YTHDC1: variants seen among roughly 807,000 people sequenced by gnomAD.
YTHDC1 encodes YTH N6-methyladenosine RNA binding protein C1.
In YTHDC1, 12 loss-of-function variants were observed where a neutral mutation model predicts 107.0. The observed-to-expected ratio is 0.11, with a 90% confidence interval of 0.07 to 0.18. The LOEUF (loss-of-function observed/expected upper bound fraction) is 0.18, where lower values mean the gene tolerates loss of function less well. Among genes scored for constraint, YTHDC1 ranks in the 10% least tolerant of loss-of-function variants. The pLI, the probability that YTHDC1 is intolerant of heterozygous loss-of-function variation, is 1.00. For synonymous variants in YTHDC1, 280 were observed against 289.5 expected, an observed-to-expected ratio of 0.97 and a Z score of 0.33; for missense variants, 635 against 898.8, an observed-to-expected ratio of 0.71 and a Z score of 3.75.
intron 15 of YTHDC1, 130 bp downstream of exon 15, chr4:68,318,389 T>C (rs1722091868): frequency 2.2e-6 from 2 of 897,378 alleles, no homozygotes; most frequent in Middle Eastern, 3.5e-4. Flanking sequence ...ACTGCAGGTG[T>C]GAGCCACGGC....
intron 4 of YTHDC1, among the ~76,000 whole-genome samples, chr4:68,336,266 G>T (rs927662502): frequency 6.6e-6 from 1 of 151,848 alleles, no homozygotes; most frequent in Non-Finnish European, 1.5e-5. Flanking sequence ...ACAGTCATGA[G>T]ATTATAATCA....
chr4:68,314,441 CT>C (rs1721594916), intron 16 of YTHDC1, 118 bp from the exon 17 acceptor site: 1 of 856,830 alleles, frequency 1.2e-6, no homozygotes, highest in Admixed American at 3.4e-5. Context: ...AGAAAAGTCT[CT>C]GTATTATAAT....
chr4:68,339,276 T>G (rs931019433), intron 1 of YTHDC1, among the ~76,000 whole-genome samples: 1 of 152,018 alleles, frequency 6.6e-6, no homozygotes, highest in Non-Finnish European at 1.5e-5. Flanking sequence ...TGAACCTACA[T>G]GAGGAAAAAA....
Position 68,316,323 on chromosome 4 carries a change from A to C in YTHDC1, c.1950T>G (p.Asp650Glu). 6.2e-7 allele frequency: 1 copy of C among 1,612,012 alleles called. No individual in the cohort carries two copies. The highest frequency in any genetic ancestry group is 1.1e-5 in the South Asian group (1 of 90,700). ...CTCCTTGTGCACTTACTACTCGTTT[A>C]TCTCTGTATCTTGCTTCATGTGGTA... is the stretch of plus-strand genomic sequence containing the variant. ...HPVPHEARYR[D>E]KRVHDYDMRV... The change falls in exon 16 of 17, where the codon GAT becomes GAG. Residue 650 changes from aspartate (D) to glutamate (E), a missense_variant. Transcript: ENST00000344157.
chr4:68,343,257 G>A (rs1034608435), intron 1 of YTHDC1, among the ~76,000 whole-genome samples: 1 of 151,806 alleles, frequency 6.6e-6, no homozygotes, highest in Non-Finnish European at 1.5e-5. Flanking sequence ...GGAGTGCAGT[G>A]GCGCAATCTG....
intron 15 of YTHDC1, among the ~76,000 whole-genome samples, chr4:68,318,158 C>T (rs968268016): frequency 2.6e-5 from 4 of 152,148 alleles, no homozygotes; most frequent in African/African-American, 9.7e-5. Context: ...AGTGCAGTGG[C>T]GCAATCTCGG....
rs564447542 is a variant in YTHDC1, at chr4:68,324,197, G to A, written c.1376C>T (p.Ala459Val). 1 of 1,613,906 alleles carries A rather than the reference G, an allele frequency of 6.2e-7. No individual in the cohort carries two copies. The highest frequency in any genetic ancestry group is 1.7e-5 in the Admixed American group (1 of 59,994). Residue 459 changes from alanine (A) to valine (V), a missense_variant, in exon 10 of 17, where the codon GCT becomes GTT. This residue lies in a region of YTHDC1 where 256 missense variants were observed against 372.9 expected (regional missense o/e 0.69). Coordinates refer to ENST00000344157, the MANE Select transcript of YTHDC1 (RefSeq NM_001031732.4). ...CRRELPFTKS[A>V]HLTNPWNEHK... ...TTCATTCCAAGGATTGGTGAGATGA[G>A]CCGACTTAGTGAAGGGTAATTCACG...
intron 4 of YTHDC1, among the ~76,000 whole-genome samples, chr4:68,334,513 C>A (rs901242364): frequency 6.6e-6 from 1 of 152,072 alleles, no homozygotes; most frequent in African/African-American, 2.4e-5. Context: ...CTGGCTTGAG[C>A]AAGTAGAAAG....
chr4:68,326,971 T>C (rs919584127), intron 9 of YTHDC1, among the ~76,000 whole-genome samples: 11 of 151,384 alleles, frequency 7.3e-5, no homozygotes, highest in Middle Eastern at 3.4e-3. Context: ...CAGTGGCTCA[T>C]GCCTGTAGTA....
In YTHDC1 at chr4:68,318,842, A is replaced by G. The variant is rs767705309; in HGVS notation, c.1705T>C (p.Tyr569His). ...CCGACTTACCTGTCCACTTCCTGGT[A>G]TCGTGGATCCTTTAAATACCCTGTT... Reference protein sequence around the residue: ...QRPGYLKDPRYQEVDRRFSGV... With the variant: ...QRPGYLKDPRHQEVDRRFSGV... The change falls in exon 13 of 17, where the codon TAC becomes CAC. Residue 569 changes from tyrosine (Y) to histidine (H), a missense_variant. By Grantham distance (83) the Tyr-to-His change is moderately conservative. Around this residue, in one of 5 missense-constraint regions of YTHDC1, gnomAD observed 256 missense variants for 372.9 expected, o/e 0.69. Coordinates refer to ENST00000344157, the MANE Select transcript of YTHDC1 (RefSeq NM_001031732.4). 6.2e-7 allele frequency: 1 copy of G among 1,613,982 alleles called. No homozygotes were observed. The highest frequency in any genetic ancestry group is 1.7e-5 in the Admixed American group (1 of 60,016).
Position 68,322,791 on chromosome 4 carries a change from C to T in YTHDC1, c.1559G>A (p.Arg520Gln), listed in dbSNP as rs759832696. The change falls in exon 11 of 17, where the codon CGA becomes CAA. Residue 520 changes from arginine (R) to glutamine (Q), a missense_variant. Physicochemically the swap from Arg to Gln is conservative, Grantham distance 43. Coordinates refer to ENST00000344157, the MANE Select transcript of YTHDC1 (RefSeq NM_001031732.4). The surrounding 1 kb of genome is among the most constrained non-coding windows in gnomAD (Gnocchi z 4.8). The stretch of plus-strand genomic sequence containing the variant: ...TGGTTCTCGACGGGATGGACGTCCT[C>T]GTGATCGGGGCTGAGAATGCATTCT... ...KRRMHSQPRS[R>Q]GRPSRREPVR... 2 of 1,614,014 alleles carry T rather than the reference C, an allele frequency of 1.2e-6. No individual in the cohort carries two copies. Among genetic ancestry groups the T allele is most frequent in the Non-Finnish European group, 8.5e-7 (1 of 1,180,020 alleles).
Position 68,314,041 on chromosome 4 carries a change from C to CAA in YTHDC1, c.*56_*57dup. Reference sequence around the variant, plus strand: ...TAAATTTACTACTTGTAAACACACACAAAAAAAAAATACAAGATTTTTTGT... The same window carrying CAA: ...TAAATTTACTACTTGTAAACACACACAAAAAAAAAAAATACAAGATTTTTTGT... On this transcript the variant is annotated 3_prime_UTR_variant, in exon 17 of 17. Coordinates refer to ENST00000344157, the MANE Select transcript of YTHDC1 (RefSeq NM_001031732.4). 1.4e-5 allele frequency: 18 copies of CAA among 1,322,628 alleles called. No individual in the cohort carries two copies. The highest frequency in any genetic ancestry group is 4.2e-5 in the South Asian group (3 of 71,006). 81.9% of individuals were successfully genotyped at this position (1,322,628 alleles called of 1,614,324 possible). A position where few individuals can be genotyped will look rare whatever the true frequency, so the allele number is the denominator to read the frequency against.
chr4:68,332,547 C>T (rs1258637585), intron 6 of YTHDC1, among the ~76,000 whole-genome samples: 1 of 150,398 alleles, frequency 6.6e-6, no homozygotes, highest in Non-Finnish European at 1.5e-5. Context: ...ATAACACATA[C>T]ACACATACAC....
At chr4:68,339,250 T>C (rs368466697) in intron 1 of YTHDC1, among the ~76,000 whole-genome samples, 7 of 152,278 alleles carry the variant, frequency 4.6e-5, no homozygotes, top group African/African-American at 1.7e-4. Context: ...TAATGTTCTA[T>C]GCAAAATGGA....
intron 1 of YTHDC1, 95 bp downstream of exon 1, chr4:68,349,631 A>ACCCCCCCC: frequency 3.9e-6 from 1 of 258,546 alleles, no homozygotes; most frequent in Non-Finnish European, 7.7e-6. Flanking sequence ...AACCTCCCCA[A>ACCCCCCCC]CCCCCACCCC....
Position 68,324,211 on chromosome 4 carries a change from G to A in YTHDC1, c.1362C>T (p.Pro454=). 1.2e-6 allele frequency: 2 copies of A among 1,613,514 alleles called. No homozygotes were observed. The highest frequency in any genetic ancestry group is 1.7e-6 in the Non-Finnish European group (2 of 1,179,508). Residue 454 remains proline (P), a synonymous_variant, in exon 10 of 17, where the codon CCC becomes CCT. Coordinates refer to ENST00000344157, the MANE Select transcript of YTHDC1 (RefSeq NM_001031732.4). ...KIDWICRREL[P]FTKSAHLTNP... ...TGGTGAGATGAGCCGACTTAGTGAA[G>A]GGTAATTCACGCCTAAATACAAAGT...
In YTHDC1 at chr4:68,312,706, ATAGAT is replaced by A. The variant is rs1286842873; in HGVS notation, c.*1388_*1392del. ...CCTGTGTTGTTCTTTTCAGGCCAAT[ATAGAT>A]TAAATGTAAAACTGTACTATGTGAT... On this transcript the variant is annotated 3_prime_UTR_variant, in exon 17 of 17. Transcript: ENST00000344157. 1 of 152,200 alleles carries A rather than the reference ATAGAT, an allele frequency of 6.6e-6. No homozygotes were observed. Among genetic ancestry groups the A allele is most frequent in the East Asian group, 1.9e-4 (1 of 5,198 alleles). 9.4% of individuals were successfully genotyped at this position (152,200 alleles called of 1,614,324 possible).
intron 1 of YTHDC1, among the ~76,000 whole-genome samples, chr4:68,344,940 A>C (rs1725252765): frequency 1.3e-5 from 2 of 152,166 alleles, no homozygotes; most frequent in African/African-American, 4.8e-5. Context: ...CTGAAGTGGG[A>C]GAATCACCAG....
chr4:68,349,825 G>A lies in YTHDC1; in HGVS notation c.-72C>T. ...CGCGACTCGCGCGGGCGCCGCAGCC[G>A]CGGCAGAAGCACGGGCCCGTCCGTC... On this transcript the variant is annotated 5_prime_UTR_variant, in exon 1 of 17. Transcript: ENST00000344157. The A allele has an allele frequency of 6.2e-7, 1 of 1,605,880 alleles. No homozygotes were observed. Among genetic ancestry groups the A allele is most frequent in the Non-Finnish European group, 8.5e-7 (1 of 1,175,170 alleles).
Sources: gnomAD v4.1 joint callset for allele counts (sites outside exome capture counted in the v4.1 genomes callset) on GRCh38, gnomAD v4.1.1 for gene constraint, gnomAD v4.1.1 regional missense constraint, Gnocchi (gnomAD v3.1) non-coding constraint, MANE v1.5 for transcripts, NCBI Gene and HGNC (gene_info 2026-07-23, HGNC 2026-07-21) for gene names.